Variants in SHOC1 observed in about 807,000 individuals in gnomAD.
SHOC1 encodes the protein protein shortage in chiasmata 1 ortholog.
In SHOC1, 136 loss-of-function variants were observed where a neutral mutation model predicts 179.2. The observed-to-expected ratio is 0.76, with a 90% CI of 0.66 to 0.87. The LOEUF (loss-of-function observed/expected upper bound fraction) is 0.87. Ranked by LOEUF, SHOC1 falls within the 40% of genes least tolerant of loss-of-function variation. SHOC1 has a pLI of 0.00. For synonymous variants in SHOC1, 489 were observed against 586.6 expected (o/e 0.83, Z 2.41); for missense variants, 1,538 against 1,700.8 (o/e 0.90, Z 1.68).
At chr9:111,769,016 C>T (rs114765214) in intron 5 of SHOC1, among the ~76,000 whole-genome samples, 1,528 of 152,056 alleles carry the variant, frequency 0.01, 26 homozygotes, top group African/African-American at 0.034. Flanking sequence ...AATAATCATA[C>T]GGTTTTTATT....
At chr9:111,752,886 C>T (rs1834659977) in intron 8 of SHOC1, among the ~76,000 whole-genome samples, 1 of 151,952 alleles carries the variant, frequency 6.6e-6, no homozygotes, top group Non-Finnish European at 1.5e-5. Flanking sequence ...AGAAATTACA[C>T]AATCTGAAAA....
intron 8 of SHOC1, among the ~76,000 whole-genome samples, chr9:111,749,740 G>A (rs903459912): frequency 1.3e-5 from 2 of 152,040 alleles, no homozygotes; most frequent in East Asian, 1.9e-4. Context: ...TGTTCTCATC[G>A]TTCAGCTCCC....
intron 24 of SHOC1, among the ~76,000 whole-genome samples, chr9:111,699,738 T>C (rs1053574261): frequency 3.3e-5 from 5 of 152,206 alleles, no homozygotes; most frequent in Admixed American, 6.5e-5. Flanking sequence ...TGAGTAGTAA[T>C]AAAGAGAAGA....
At chr9:111,762,793 A>C (rs1466778301) in intron 5 of SHOC1, among the ~76,000 whole-genome samples, 1 of 152,182 alleles carries the variant, frequency 6.6e-6, no homozygotes, top group African/African-American at 2.4e-5. Flanking sequence ...CATTTTCTTT[A>C]CCATCAGAAA....
At chr9:111,794,570 C>T (rs1312838780) in intron 1 of SHOC1, among the ~76,000 whole-genome samples, 4 of 152,060 alleles carry the variant, frequency 2.6e-5, no homozygotes, top group Non-Finnish European at 4.4e-5. Flanking sequence ...GGCAACAGAG[C>T]GAGACCCTGT....
At chr9:111,758,499 G>T (rs1346167370) in intron 6 of SHOC1, among the ~76,000 whole-genome samples, 196 bp downstream of exon 6, 1 of 152,232 alleles carries the variant, frequency 6.6e-6, no homozygotes, top group African/African-American at 2.4e-5. Flanking sequence ...TGAGGCAGGA[G>T]AATCGCATGT....
intron 5 of SHOC1, among the ~76,000 whole-genome samples, chr9:111,767,922 T>C (rs900074187): frequency 6.6e-6 from 1 of 152,124 alleles, no homozygotes; most frequent in Non-Finnish European, 1.5e-5. Flanking sequence ...GGTATTTTGA[T>C]AGGGATTGCA....
At chr9:111,696,775 C>T (rs541155976) in intron 24 of SHOC1, among the ~76,000 whole-genome samples, 5 of 152,294 alleles carry the variant, frequency 3.3e-5, no homozygotes, top group African/African-American at 1.2e-4. Context: ...TAATGGTTTA[C>T]CCTGAGCTGG....
At chr9:111,738,628 T>C in intron 11 of SHOC1, 106 bp from the exon 12 acceptor site, 1 of 1,032,418 alleles carries the variant, frequency 9.7e-7, no homozygotes, top group Non-Finnish European at 1.3e-6. Context: ...AATGCATTTT[T>C]ATGCATTAGA....
intron 3 of SHOC1, among the ~76,000 whole-genome samples, chr9:111,783,779 G>A (rs1348417074): frequency 6.6e-6 from 1 of 152,172 alleles, no homozygotes; most frequent in African/African-American, 2.4e-5. Context: ...GAAGTTACAT[G>A]AAGTAGATTT....
At chr9:111,772,386 C>A (rs1340918611) in intron 5 of SHOC1, among the ~76,000 whole-genome samples, 1 of 152,152 alleles carries the variant, frequency 6.6e-6, no homozygotes, top group African/African-American at 2.4e-5. Flanking sequence ...GGTCAGAGAG[C>A]TCACAAATGA....
At chr9:111,760,380 C>A (rs1124389) in intron 5 of SHOC1, among the ~76,000 whole-genome samples, 1 of 152,056 alleles carries the variant, frequency 6.6e-6, no homozygotes, top group African/African-American at 2.4e-5. Context: ...ACAGCTAATA[C>A]ATGTACTATA....
intron 5 of SHOC1, among the ~76,000 whole-genome samples, chr9:111,764,505 A>G (rs1835270583): frequency 6.6e-6 from 1 of 152,248 alleles, no homozygotes; most frequent in Non-Finnish European, 1.5e-5. Flanking sequence ...TTCAGCTACA[A>G]ATAGTATTTA....
chr9:111,745,302 C>T lies in SHOC1; in HGVS notation c.1079+932G>A, dbSNP rs1031245723. ...AACCTTATAGATACTATTATTATCC[C>T]AGTATTGTAGATTTAAAAAACCTGA... is the stretch of plus-strand genomic sequence containing the variant. On this transcript the variant is annotated intron_variant, in intron 10 of 27. Transcript: ENST00000682961. 5.3e-5 allele frequency among the ~76,000 whole-genome samples: 8 copies of T among 152,126 alleles called. No individual in the cohort carries two copies. The East Asian group carries it at 1.3e-3, about 26-fold the overall frequency.
intron 10 of SHOC1, 92 bp from the exon 11 acceptor site, chr9:111,741,662 C>A: frequency 1.6e-6 from 1 of 616,028 alleles, no homozygotes; most frequent in Non-Finnish European, 2.6e-6. Flanking sequence ...GAGGCAGAGT[C>A]TCGCTCTGTC....
In SHOC1 at chr9:111,738,308, A is replaced by ATTTTTG; in HGVS notation, c.1388_1389insCAAAAA (p.Phe463_Leu464insLysAsn). The ATTTTTG allele has an allele frequency of 1.2e-6, 2 of 1,612,034 alleles. No individual in the cohort carries two copies. Among genetic ancestry groups the ATTTTTG allele is most frequent in the Non-Finnish European group, 1.7e-6 (2 of 1,179,276 alleles). ...CTAATTGAAGCACTTTCGTAGGCAA[A>ATTTTTG]AATATCTCAATTTTAGTGTCATTAG... On this transcript the variant is annotated inframe_insertion, in exon 12 of 28. Coordinates refer to ENST00000682961, the MANE Select transcript of SHOC1 (RefSeq NM_001378211.1).
chr9:111,697,691 C>A (rs1299531943), intron 24 of SHOC1, among the ~76,000 whole-genome samples: 4 of 152,146 alleles, frequency 2.6e-5, no homozygotes, highest in African/African-American at 9.7e-5. Flanking sequence ...ATTTATAATC[C>A]TTTGGGTATA....
chr9:111,750,907 C>T (rs1834548643), intron 8 of SHOC1, among the ~76,000 whole-genome samples: 1 of 152,106 alleles, frequency 6.6e-6, no homozygotes, highest in Admixed American at 6.6e-5. Context: ...TTTCGTCATG[C>T]AATCTTTTCC....
Position 111,694,332 on chromosome 9 carries a change from C to A in SHOC1, c.3214G>T (p.Ala1072Ser). 6.2e-7 allele frequency: 1 copy of A among 1,610,568 alleles called. No homozygotes were observed. The highest frequency in any genetic ancestry group is 1.1e-5 in the South Asian group (1 of 90,706). The change falls in exon 25 of 28, where the codon GCC becomes TCC. Residue 1072 changes from alanine (A) to serine (S), a missense_variant. By Grantham distance (99) the Ala-to-Ser change is moderately conservative. Coordinates refer to ENST00000682961, the MANE Select transcript of SHOC1 (RefSeq NM_001378211.1). ...TCAGCAATTTGTCGAATTATCAAGGCAGTTGCTTCTACTCCTGGGGCAATT... is the reference window on the plus strand; with the variant it reads ...TCAGCAATTTGTCGAATTATCAAGGAAGTTGCTTCTACTCCTGGGGCAATT... ...LIIAPGVEATALIIRQIADHS... is the reference protein window; with the variant it reads ...LIIAPGVEATSLIIRQIADHS...
Sources: allele counts gnomAD v4.1 joint callset (sites outside exome capture counted in the v4.1 genomes callset), GRCh38; gene constraint gnomAD v4.1.1; transcripts MANE v1.5; gene names NCBI Gene and HGNC (gene_info 2026-07-23, HGNC 2026-07-21).